Variants in ZMAT4 observed in about 807,000 individuals in gnomAD.
ZMAT4 encodes zinc finger matrin-type protein 4.
Under a neutral mutation model 28.7 loss-of-function variants are expected in ZMAT4, and 17 were observed. The ratio of observed to expected loss-of-function variants is 0.59; its 90% CI spans 0.41 to 0.89. The LOEUF is 0.89. ZMAT4 is among the 40% of genes least tolerant of loss of function. The pLI is 0.00. For synonymous variants in ZMAT4, 117 were observed against 109.2 expected, an observed-to-expected ratio of 1.07 and a Z score of -0.44; for missense variants, 240 against 283.8, an observed-to-expected ratio of 0.85 and a Z score of 1.11.
rs748126338 is a variant in ZMAT4, at chr8:40,767,737, A to C, written c.103-7T>G. 6.2e-7 allele frequency: 1 copy of C among 1,610,524 alleles called. No individual in the cohort carries two copies. The highest frequency in any genetic ancestry group is 8.5e-7 in the Non-Finnish European group (1 of 1,178,614). ...TGCTTGCATGTTTTCGACTCTGGGA[A>C]GGAAAAGCATAAGCAGATACTGTAA... On this transcript the variant is annotated splice_polypyrimidine_tract_variant and splice_region_variant and intron_variant, in intron 2 of 6. Transcript: ENST00000297737.
intron 3 of ZMAT4, among the ~76,000 whole-genome samples, chr8:40,725,268 GAA>G (rs1324002279): frequency 6.6e-6 from 1 of 152,182 alleles, no homozygotes; most frequent in East Asian, 1.9e-4. Flanking sequence ...GTGACTGGAT[GAA>G]AGAGTTAGAG....
intron 6 of ZMAT4, among the ~76,000 whole-genome samples, chr8:40,540,493 C>G (rs1802994987): frequency 6.6e-6 from 1 of 152,294 alleles, no homozygotes; most frequent in East Asian, 1.9e-4. Context: ...TTGGGACCCT[C>G]CTAGACCTTC....
intron 3 of ZMAT4, among the ~76,000 whole-genome samples, chr8:40,708,187 C>A (rs1227796262): frequency 6.6e-6 from 1 of 152,174 alleles, no homozygotes; most frequent in African/African-American, 2.4e-5. Context: ...GAGAGCTCTG[C>A]TGGACCTGGA....
At chr8:40,732,872 G>T (rs6474273) in intron 3 of ZMAT4, among the ~76,000 whole-genome samples, 91,744 of 132,400 alleles carry the variant, frequency 0.69, 33,261 homozygotes, top group Non-Finnish European at 0.82. Context: ...TGAGTTGGGG[G>T]TTTAGCACTG....
At chr8:40,658,715 A>G (rs752782069) in intron 5 of ZMAT4, among the ~76,000 whole-genome samples, 16 of 151,552 alleles carry the variant, frequency 1.1e-4, no homozygotes, top group Non-Finnish European at 1.8e-4. Flanking sequence ...TTTACTTTCC[A>G]GTGCTATGGT....
intron 1 of ZMAT4, among the ~76,000 whole-genome samples, chr8:40,880,912 C>T (rs1465464134): frequency 2.0e-5 from 3 of 152,138 alleles, no homozygotes. Context: ...CACATCACCC[C>T]CTAACTCCTC....
chr8:40,652,223 A>G (rs1397680207), intron 5 of ZMAT4, among the ~76,000 whole-genome samples: 2 of 123,316 alleles, frequency 1.6e-5, no homozygotes, highest in Non-Finnish European at 3.6e-5. Flanking sequence ...AATGAACTCA[A>G]ACAAATTTAC....
chr8:40,833,540 C>CAAAAAAAAAAAAAAAAAAAAAAAAAAAAA lies in ZMAT4; in HGVS notation c.-4-7861_-4-7860insTTTTTTTTTTTTTTTTTTTTTTTTTTTTT, dbSNP rs57458575. On this transcript the variant is annotated intron_variant, in intron 1 of 6. Transcript: ENST00000297737. ...CCGAGATCATACCACTACACTCCAG[C>CAAAAAAAAAAAAAAAAAAAAAAAAAAAAA]AAAAAAAAAAAAAAAAAAGACATGA... is the stretch of plus-strand genomic sequence containing the variant. Among the ~76,000 whole-genome samples, 26 of 87,060 alleles carry CAAAAAAAAAAAAAAAAAAAAAAAAAAAAA rather than the reference C, an allele frequency of 3.0e-4. 1 individual carries two copies. Among genetic ancestry groups the CAAAAAAAAAAAAAAAAAAAAAAAAAAAAA allele is most frequent in the South Asian group, 9.5e-4 (2 of 2,102 alleles). The allele number at this position is 87,060 out of a possible 152,430, so 57.1% of individuals were successfully genotyped here. A position where few individuals can be genotyped will look rare whatever the true frequency, so the allele number is the denominator to read the frequency against.
intron 3 of ZMAT4, among the ~76,000 whole-genome samples, chr8:40,705,505 A>G (rs761372173): frequency 2.0e-5 from 3 of 152,242 alleles, no homozygotes; most frequent in Admixed American, 2.0e-4. Context: ...ATCGTCCAAT[A>G]GAAATACAGT....
chr8:40,592,475 G>T lies in ZMAT4; in HGVS notation c.578-11214C>A, dbSNP rs75138054. Among the ~76,000 whole-genome samples, 75 of 152,254 alleles carry T rather than the reference G, an allele frequency of 4.9e-4. No individual in the cohort carries two copies. In the East Asian group the frequency reaches 0.013, roughly 27 times the overall value. On this transcript the variant is annotated intron_variant, in intron 5 of 6. Coordinates refer to ENST00000297737, the MANE Select transcript of ZMAT4 (RefSeq NM_024645.3). Reference sequence around the variant, plus strand: ...ATGGACTGCAGGGTACCAAACAGTCGATTAAACAAAGAACACACAATTTCT... The same window carrying T: ...ATGGACTGCAGGGTACCAAACAGTCTATTAAACAAAGAACACACAATTTCT...
chr8:40,797,297 G>C (rs1814641970), intron 2 of ZMAT4, among the ~76,000 whole-genome samples: 1 of 152,188 alleles, frequency 6.6e-6, no homozygotes, highest in African/African-American at 2.4e-5. Context: ...GGCCACTTGA[G>C]TGATATGACA....
intron 3 of ZMAT4, among the ~76,000 whole-genome samples, chr8:40,701,479 A>G (rs1810141124): frequency 6.8e-6 from 1 of 146,894 alleles, no homozygotes; most frequent in Admixed American, 6.8e-5. Flanking sequence ...TGCTCTAATG[A>G]CGCTGGTGGA....
chr8:40,558,319 G>T (rs1451625171), intron 6 of ZMAT4, among the ~76,000 whole-genome samples: 1 of 152,126 alleles, frequency 6.6e-6, no homozygotes, highest in Non-Finnish European at 1.5e-5. Context: ...TGTTCACTCT[G>T]GCTGCTGTGA....
intron 5 of ZMAT4, among the ~76,000 whole-genome samples, chr8:40,623,247 G>A (rs1280110265): frequency 2.0e-5 from 3 of 152,178 alleles, no homozygotes; most frequent in East Asian, 3.9e-4. Context: ...ATGGTCATCC[G>A]AGTTCCTGGC....
chr8:40,582,127 T>C (rs1804484046), intron 5 of ZMAT4, among the ~76,000 whole-genome samples: 1 of 152,214 alleles, frequency 6.6e-6, no homozygotes, highest in African/African-American at 2.4e-5. Context: ...AGTTTTGTGA[T>C]CTGGAGGAAG....
intron 5 of ZMAT4, among the ~76,000 whole-genome samples, chr8:40,591,917 A>C (rs1195450206): frequency 6.6e-6 from 1 of 152,210 alleles, no homozygotes; most frequent in Non-Finnish European, 1.5e-5. Flanking sequence ...GCCAGATCTG[A>C]AAATATTTAT....
chr8:40,693,341 C>T (rs1809738321), intron 4 of ZMAT4, among the ~76,000 whole-genome samples: 1 of 151,858 alleles, frequency 6.6e-6, no homozygotes, highest in African/African-American at 2.4e-5. Flanking sequence ...GTATCAAATT[C>T]CTGGGCTCAA....
intron 3 of ZMAT4, among the ~76,000 whole-genome samples, chr8:40,745,838 A>G (rs1421110463): frequency 6.6e-6 from 1 of 152,212 alleles, no homozygotes; most frequent in Non-Finnish European, 1.5e-5. Context: ...TCTTGAGGAA[A>G]CAAAAATGGT....
intron 4 of ZMAT4, among the ~76,000 whole-genome samples, chr8:40,678,184 A>G (rs1277598220): frequency 1.3e-5 from 2 of 152,246 alleles, no homozygotes; most frequent in Non-Finnish European, 2.9e-5. Flanking sequence ...AGCATAATAC[A>G]TCCAACAGCA....
Sources: gnomAD v4.1 joint callset for allele counts (sites outside exome capture counted in the v4.1 genomes callset) on GRCh38, gnomAD v4.1.1 for gene constraint, MANE v1.5 for transcripts, NCBI Gene and HGNC (gene_info 2026-07-23, HGNC 2026-07-21) for gene names.